Variants in ST13 observed in about 807,000 individuals in gnomAD.
ST13 encodes ST13 Hsp70 interacting protein.
In ST13, 23 loss-of-function variants were observed where a neutral mutation model predicts 56.7. The ratio of observed to expected loss-of-function variants is 0.41; its 90% CI spans 0.29 to 0.57. ST13 has a LOEUF of 0.57. ST13 is among the 20% of genes least tolerant of loss of function. The pLI is 0.36. For synonymous variants in ST13, 132 were observed against 142.4 expected (o/e 0.93, Z 0.52); for missense variants, 369 against 459.9 (o/e 0.80, Z 1.81).
At position 40,829,625 on chromosome 22, in the gene ST13, C is replaced by A. The variant is rs1286673214; in HGVS notation, c.847+1G>T. ...CAGTTTTAACTTTTCTTTAAATATACCTGGAAAAGAGCCATACTGAGCTCC... is the reference window on the plus strand; with the variant it reads ...CAGTTTTAACTTTTCTTTAAATATAACTGGAAAAGAGCCATACTGAGCTCC... On this transcript the variant is annotated splice_donor_variant, in intron 10 of 11. Transcript: ENST00000216218. LOFTEE classifies it high-confidence loss of function. The A allele has an allele frequency of 2.8e-6, 4 of 1,443,510 alleles. No homozygotes were observed. Among genetic ancestry groups the A allele is most frequent in the South Asian group, 1.6e-5 (1 of 60,774 alleles). 89.4% of individuals were successfully genotyped at this position (1,443,510 alleles called of 1,614,324 possible).
intron 1 of ST13, chr22:40,854,649 A>G (rs1258198804): frequency 6.6e-6 from 1 of 152,230 alleles, no homozygotes; most frequent in Non-Finnish European, 1.5e-5. Context: ...CCTCACTAGT[A>G]AGAATGAAAC....
At chr22:40,854,964 T>C (rs905287937) in intron 1 of ST13, among the ~76,000 whole-genome samples, 4 of 152,234 alleles carry the variant, frequency 2.6e-5, no homozygotes, top group African/African-American at 9.6e-5. Flanking sequence ...TAATATTAAA[T>C]GGTCTCAGAA....
chr22:40,827,464 T>C (rs1038857815), intron 10 of ST13, among the ~76,000 whole-genome samples: 26 of 152,308 alleles, frequency 1.7e-4, no homozygotes, highest in Admixed American at 1.4e-3. Flanking sequence ...TTTTTTCTAG[T>C]AATAACACTG....
intron 4 of ST13, among the ~76,000 whole-genome samples, chr22:40,841,740 C>T (rs1195381254): frequency 2.0e-5 from 3 of 149,714 alleles, no homozygotes; most frequent in South Asian, 2.1e-4. Context: ...ACTACATGCT[C>T]GCAACCTACT....
intron 1 of ST13, among the ~76,000 whole-genome samples, chr22:40,852,050 T>C (rs1601475248): frequency 6.6e-6 from 1 of 152,224 alleles, no homozygotes; most frequent in Non-Finnish European, 1.5e-5. Context: ...GCCTGATTCT[T>C]TGTAACTAGA....
intron 10 of ST13, 102 bp downstream of exon 10, chr22:40,829,524 G>A: frequency 1.9e-6 from 1 of 530,270 alleles, no homozygotes; most frequent in Non-Finnish European, 3.0e-6. Context: ...CACTGTATAA[G>A]AGAACAAAAT....
chr22:40,833,564 CAAA>C (rs138336), intron 7 of ST13, among the ~76,000 whole-genome samples: 14 of 115,374 alleles, frequency 1.2e-4, no homozygotes, highest in Admixed American at 1.8e-4. Context: ...GACTCCATCT[CAAA>C]AAAAAAAAAA....
At chr22:40,849,260 G>A (rs1423175828) in intron 2 of ST13, among the ~76,000 whole-genome samples, 2 of 151,940 alleles carry the variant, frequency 1.3e-5, no homozygotes, top group African/African-American at 4.8e-5. Flanking sequence ...GGTGGATCAC[G>A]AGGTCAGGAG....
At chr22:40,832,993 A>G (rs541898051) in intron 7 of ST13, among the ~76,000 whole-genome samples, 1 of 152,244 alleles carries the variant, frequency 6.6e-6, no homozygotes, top group Non-Finnish European at 1.5e-5. Flanking sequence ...CAGGACTAAC[A>G]TAATGTGTTA....
chr22:40,840,441 C>G (rs1193132014), intron 5 of ST13, among the ~76,000 whole-genome samples, 185 bp downstream of exon 5: 1 of 151,686 alleles, frequency 6.6e-6, no homozygotes, highest in Non-Finnish European at 1.5e-5. Flanking sequence ...AAATAAGGAT[C>G]TGTCCTTGCA....
In ST13 at chr22:40,826,392, G is replaced by A; in HGVS notation, c.*146C>T. 2 of 619,542 alleles carry A rather than the reference G, an allele frequency of 3.2e-6. No individual in the cohort carries two copies. The highest frequency in any genetic ancestry group is 5.3e-6 in the Non-Finnish European group (2 of 376,434). 38.4% of individuals were successfully genotyped at this position (619,542 alleles called of 1,614,324 possible). A position where few individuals can be genotyped will look rare whatever the true frequency, so the allele number is the denominator to read the frequency against. On this transcript the variant is annotated 3_prime_UTR_variant, in exon 12 of 12. Transcript: ENST00000216218. ...ACTGTAAAATGCTTCAGCTGCATTTGGGGGAGAGGGGTAGGGATTATCTTC... is the reference window on the plus strand; with the variant it reads ...ACTGTAAAATGCTTCAGCTGCATTTAGGGGAGAGGGGTAGGGATTATCTTC...
Position 40,856,543 on chromosome 22 carries a change from T to C in ST13, c.-3A>G. ...TCGTTCACTTTGCGGGGGTCCATGG[T>C]AGGGAGGTGGTGGGCGAAACTGGGG... On this transcript the variant is annotated 5_prime_UTR_variant, in exon 1 of 12. Coordinates refer to ENST00000216218, the MANE Select transcript of ST13 (RefSeq NM_003932.5). 1 of 1,611,514 alleles carries C rather than the reference T, an allele frequency of 6.2e-7. No homozygotes were observed. The highest frequency in any genetic ancestry group is 8.5e-7 in the Non-Finnish European group (1 of 1,179,364).
chr22:40,848,415 C>A (rs746005493), intron 2 of ST13, 46 bp from the exon 3 acceptor site: 1 of 1,243,442 alleles, frequency 8.0e-7, no homozygotes, highest in East Asian at 2.3e-5. Flanking sequence ...TAATAACATA[C>A]CGAATATTTA....
intron 10 of ST13, among the ~76,000 whole-genome samples, chr22:40,828,616 A>G (rs2057739933): frequency 6.6e-6 from 1 of 151,860 alleles, no homozygotes; most frequent in African/African-American, 2.4e-5. Flanking sequence ...CTGTCTCAAT[A>G]ATAAAAAAAA....
Position 40,825,401 on chromosome 22 carries a change from T to C in ST13, c.*1137A>G, listed in dbSNP as rs1487057717. 3 of 152,174 alleles carry C rather than the reference T, an allele frequency of 2.0e-5. No homozygotes were observed. The highest frequency in any genetic ancestry group is 6.5e-5 in the Admixed American group (1 of 15,272). 9.4% of individuals were successfully genotyped at this position (152,174 alleles called of 1,614,324 possible). ...ATACTACAAGATAAACTAACTGCAA[T>C]AGGTTTTTCTAAGTAGAAGACCAAA... is the stretch of plus-strand genomic sequence containing the variant. On this transcript the variant is annotated 3_prime_UTR_variant, in exon 12 of 12. Transcript: ENST00000216218.
chr22:40,840,705 T>A lies in ST13; in HGVS notation c.316-13A>T. On this transcript the variant is annotated splice_polypyrimidine_tract_variant and intron_variant, in intron 4 of 11. Transcript: ENST00000216218. ...TCTCCTCCGTTATCTAGGAAGAAAATAAAAATCATCTTAGAATTAGTAGAG... is the reference window on the plus strand; with the variant it reads ...TCTCCTCCGTTATCTAGGAAGAAAAAAAAAATCATCTTAGAATTAGTAGAG... The A allele has an allele frequency of 1.2e-5, 20 of 1,603,180 alleles. No individual in the cohort carries two copies. Among genetic ancestry groups the A allele is most frequent in the Non-Finnish European group, 1.7e-5 (20 of 1,175,548 alleles).
At chr22:40,853,475 C>T (rs1345989712) in intron 1 of ST13, among the ~76,000 whole-genome samples, 3 of 152,112 alleles carry the variant, frequency 2.0e-5, no homozygotes, top group Non-Finnish European at 4.4e-5. Flanking sequence ...TTAATGCTTC[C>T]AAGGCTTAGA....
At chr22:40,851,607 A>C (rs2057861460) in intron 1 of ST13, among the ~76,000 whole-genome samples, 1 of 152,230 alleles carries the variant, frequency 6.6e-6, no homozygotes, top group African/African-American at 2.4e-5. Context: ...CCAGTGACTA[A>C]AATGGTTGAT....
chr22:40,827,158 T>C lies in ST13; in HGVS notation c.919A>G (p.Met307Val). 6.2e-7 allele frequency: 1 copy of C among 1,612,680 alleles called. No homozygotes were observed. The highest frequency in any genetic ancestry group is 8.5e-7 in the Non-Finnish European group (1 of 1,180,024). Residue 307 changes from methionine (M) to valine (V), a missense_variant, in exon 11 of 12, where the codon ATG becomes GTG. Around this residue, in one of 3 missense-constraint regions of ST13, gnomAD observed 136 missense variants for 159.2 expected, o/e 0.85. Transcript: ENST00000216218. The part of the protein sequence containing the change: ...MPGMGGGMPG[M>V]AGMPGLNEIL... Reference sequence around the variant, plus strand: ...TCATTGAGTCCAGGCATTCCAGCCATTCCAGGCATGCCCCCTCCCATTCCA... The same window carrying C: ...TCATTGAGTCCAGGCATTCCAGCCACTCCAGGCATGCCCCCTCCCATTCCA...
Sources: gnomAD v4.1 joint callset for allele counts (sites outside exome capture counted in the v4.1 genomes callset) on GRCh38, gnomAD v4.1.1 for gene constraint, gnomAD v4.1.1 regional missense constraint, MANE v1.5 for transcripts, NCBI Gene and HGNC (gene_info 2026-07-23, HGNC 2026-07-21) for gene names.